TJAP1: variants seen among roughly 807,000 people sequenced by gnomAD.
TJAP1 encodes tight junction-associated protein 1.
Under a neutral mutation model 42.0 loss-of-function variants are expected in TJAP1, and 27 were observed. The observed-to-expected ratio is 0.64, with a 90% CI of 0.47 to 0.89. The LOEUF (loss-of-function observed/expected upper bound fraction) is 0.89, where lower values mean the gene tolerates loss of function less well. Ranked by LOEUF, TJAP1 falls within the 40% of genes least tolerant of loss-of-function variation. The probability of loss-of-function intolerance (pLI) is 0.00; values close to 1 mark genes in which losing one functional copy is unlikely to be tolerated. For missense variants in TJAP1, 712 were observed against 726.9 expected (o/e 0.98, Z 0.24); for synonymous variants, 257 against 288.4 (o/e 0.89, Z 1.10).
At chr6:43,498,911 GT>G in intron 3 of TJAP1, 66 bp from the exon 4 acceptor site, 2 of 1,534,096 alleles carry the variant, frequency 1.3e-6, no homozygotes, top group Non-Finnish European at 8.8e-7. Flanking sequence ...CACCATCTTT[GT>G]TTTTTCTCAG....
At position 43,505,914 on chromosome 6, in the gene TJAP1, T is replaced by G; in HGVS notation, c.*59T>G. On this transcript the variant is annotated 3_prime_UTR_variant, in exon 11 of 11. Transcript: ENST00000372449. This position sits in a 1 kb window ranked among gnomAD's most constrained non-coding sequence, Gnocchi z 5.5. Reference sequence around the variant, plus strand: ...AGGACTGCAAGGAGTCCCCACACCTTGGCAGCTCAGGGTCCCCAGTCCAAG... The same window carrying G: ...AGGACTGCAAGGAGTCCCCACACCTGGGCAGCTCAGGGTCCCCAGTCCAAG... The G allele has an allele frequency of 7.0e-7, 1 of 1,419,754 alleles. No individual in the cohort carries two copies. The highest frequency in any genetic ancestry group is 1.4e-5 in the African/African-American group (1 of 69,630). The allele number at this position is 1,419,754 out of a possible 1,614,324, so 87.9% of individuals were successfully genotyped here. A position where few individuals can be genotyped will look rare whatever the true frequency, so the allele number is the denominator to read the frequency against.
At chr6:43,502,913 C>T in intron 8 of TJAP1, 1 of 543,742 alleles carries the variant, frequency 1.8e-6, no homozygotes, top group Non-Finnish European at 3.3e-6. Context: ...GGGGAGGCTG[C>T]AGATCCAGTC....
At chr6:43,504,767 T>C (rs1791872087) in exon 11 of TJAP1, 1 of 1,610,072 alleles carries the variant, frequency 6.2e-7, no homozygotes, top group Admixed American at 1.7e-5. Context: ...TCAGCTGCCC[T>C]GTGAGCTACA....
chr6:43,504,837 C>T (rs572628217), exon 11 of TJAP1: 1 of 1,614,256 alleles, frequency 6.2e-7, no homozygotes, highest in Admixed American at 1.7e-5. Context: ...GGTCCTGCTC[C>T]CAGCCTAGCC....
At chr6:43,501,609 A>C in exon 6 of TJAP1, 1 of 1,613,670 alleles carries the variant, frequency 6.2e-7, no homozygotes. Flanking sequence ...CGTGAGCTGG[A>C]AATTGGGCAG....
rs1328778715 is a variant in TJAP1 at position 43,505,215 on chromosome 6, G to A, written c.1034G>A (p.Ser345Asn). ...GATAAGGTTCGGATCCCCCGCAACA[G>A]CCCCCTGCCCAACTGCACTTACGCT... Residue 345 changes from serine (S) to asparagine (N), a missense_variant, in exon 11 of 11, where the codon AGC (serine) becomes AAC (asparagine). Coordinates refer to ENST00000372449, the Ensembl canonical transcript of TJAP1. This position sits in a 1 kb window ranked among gnomAD's most constrained non-coding sequence, Gnocchi z 5.5. 1.9e-6 allele frequency: 3 copies of A among 1,614,072 alleles called. No homozygotes were observed. The highest frequency in any genetic ancestry group is 2.5e-6 in the Non-Finnish European group (3 of 1,180,002).
At chr6:43,488,258 A>T (rs943554751) in intron 2 of TJAP1, among the ~76,000 whole-genome samples, 1 of 113,728 alleles carries the variant, frequency 8.8e-6, no homozygotes, top group Non-Finnish European at 1.6e-5. Flanking sequence ...TTGTTGACTT[A>T]AGTGACCAAG....
At chr6:43,496,639 C>T (rs566951376) in intron 2 of TJAP1, among the ~76,000 whole-genome samples, 3 of 151,268 alleles carry the variant, frequency 2.0e-5, no homozygotes, top group Non-Finnish European at 4.4e-5. Context: ...TACCCTCTCA[C>T]CATTCTCCCT....
intron 5 of TJAP1, 78 bp from the exon 6 acceptor site, chr6:43,501,448 G>A: frequency 1.5e-6 from 2 of 1,371,698 alleles, no homozygotes; most frequent in East Asian, 2.3e-5. Flanking sequence ...CTTCCTTCCT[G>A]AGCCCACTCT....
intron 2 of TJAP1, among the ~76,000 whole-genome samples, chr6:43,481,494 A>C (rs1481447775): frequency 2.1e-5 from 3 of 141,440 alleles, no homozygotes; most frequent in African/African-American, 5.0e-5. Context: ...CCCCCCCCCA[A>C]AAAAAAACTT....
intron 2 of TJAP1, among the ~76,000 whole-genome samples, chr6:43,493,326 C>T (rs965950372): frequency 1.6e-4 from 24 of 152,146 alleles, no homozygotes; most frequent in African/African-American, 5.5e-4. Context: ...TTATCTGAAC[C>T]CAGATAAACT....
At chr6:43,487,764 T>C (rs1786849921) in intron 2 of TJAP1, among the ~76,000 whole-genome samples, 1 of 151,926 alleles carries the variant, frequency 6.6e-6, no homozygotes, top group South Asian at 2.1e-4. Context: ...GTATACAAAA[T>C]AAAAAGTAAG....
chr6:43,484,938 G>A (rs1314167069), intron 2 of TJAP1, among the ~76,000 whole-genome samples: 1 of 152,192 alleles, frequency 6.6e-6, no homozygotes, highest in Non-Finnish European at 1.5e-5. Context: ...AAGTTGGCCA[G>A]GCTGGTCTTG....
chr6:43,480,683 T>G (rs1226844709), intron 2 of TJAP1, among the ~76,000 whole-genome samples: 4 of 152,060 alleles, frequency 2.6e-5, no homozygotes, highest in Non-Finnish European at 5.9e-5. Context: ...CCTGGCTAAT[T>G]TTTGTATTTT....
intron 4 of TJAP1, among the ~76,000 whole-genome samples, chr6:43,499,431 G>A (rs546188321): frequency 2.6e-5 from 4 of 152,368 alleles, no homozygotes; most frequent in South Asian, 2.1e-4. Context: ...CTGGTCCTCC[G>A]TAGTGGAGTA....
intron 2 of TJAP1, among the ~76,000 whole-genome samples, chr6:43,486,452 T>A (rs1786553006): frequency 6.7e-6 from 1 of 148,888 alleles, no homozygotes; most frequent in African/African-American, 2.5e-5. Context: ...GCCTCCTGGG[T>A]TTAAGCAATT....
At chr6:43,499,518 C>T (rs1012055569) in intron 4 of TJAP1, among the ~76,000 whole-genome samples, 3 of 152,230 alleles carry the variant, frequency 2.0e-5, no homozygotes, top group Non-Finnish European at 2.9e-5. Context: ...CACAGCTGCT[C>T]TTCATTGTCC....
At chr6:43,500,697 G>A in intron 4 of TJAP1, 47 bp from the exon 5 acceptor site, 1 of 1,612,986 alleles carries the variant, frequency 6.2e-7, no homozygotes, top group South Asian at 1.1e-5. Context: ...GCCAGCCGGG[G>A]GTCCAGTGGT....
At chr6:43,502,776 A>G in intron 8 of TJAP1, 159 bp downstream of exon 8, 3 of 834,330 alleles carry the variant, frequency 3.6e-6, no homozygotes, top group Non-Finnish European at 5.9e-6. Context: ...CCTCCCTCCC[A>G]GGAGAGAGGT....
Sources: gnomAD v4.1 joint callset for allele counts (sites outside exome capture counted in the v4.1 genomes callset) on GRCh38, gnomAD v4.1.1 for gene constraint, Gnocchi (gnomAD v3.1) non-coding constraint, MANE v1.5 for transcripts, NCBI Gene and HGNC (gene_info 2026-07-23, HGNC 2026-07-21) for gene names.